The following LGR5 variants were observed in gnomAD, a reference collection of about 807,000 sequenced individuals.
The protein encoded by LGR5 is leucine rich repeat containing G protein-coupled receptor 5, also known as leucine-rich repeat-containing G protein-coupled receptor 5.
In LGR5, 54 loss-of-function variants were observed where a neutral mutation model predicts 76.7. The observed-to-expected ratio is 0.70, with a 90% CI of 0.57 to 0.88. The LOEUF (loss-of-function observed/expected upper bound fraction) is 0.88, where lower values mean the gene tolerates loss of function less well. LGR5 is among the 40% of genes least tolerant of loss of function. The pLI, the probability that LGR5 is intolerant of heterozygous loss-of-function variation, is 0.00. For synonymous variants in LGR5, 406 were observed against 421.9 expected (o/e 0.96, Z 0.46); for missense variants, 1,078 against 1,073.3 (o/e 1.00, Z -0.06).
chr12:71,535,256 AC>A, intron 4 of LGR5, 70 bp downstream of exon 4: 1 of 1,051,708 alleles, frequency 9.5e-7, no homozygotes, highest in Non-Finnish European at 1.5e-6. Flanking sequence ...TGTTCAGTTG[AC>A]CATTTTAGTA....
chr12:71,495,754 T>C (rs1874285310), intron 1 of LGR5, among the ~76,000 whole-genome samples: 1 of 151,246 alleles, frequency 6.6e-6, no homozygotes, highest in Non-Finnish European at 1.5e-5. Flanking sequence ...CTTTTAACTA[T>C]TAGACTATTA....
intron 1 of LGR5, among the ~76,000 whole-genome samples, chr12:71,503,821 T>G (rs1874719588): frequency 6.6e-6 from 1 of 152,188 alleles, no homozygotes; most frequent in Non-Finnish European, 1.5e-5. Context: ...TCTTTTGGCC[T>G]CTGAGATACA....
In LGR5 at chr12:71,553,142, C is replaced by T. The variant is rs879943901; in HGVS notation, c.498C>T (p.His166=). The change falls in exon 5 of 18, where the codon CAC becomes CAT. Residue 166 remains histidine, a synonymous_variant. Transcript: ENST00000266674. ...SCFSGLHSLR[H]LWLDDNALTE... is the part of the protein sequence containing the mutation. ...TCAGTGGCCTGCATTCCCTGAGGCA[C>T]CTGTGGCTGGATGACAATGCGTTAA... The T allele has an allele frequency of 1.1e-5, 18 of 1,613,930 alleles. No individual in the cohort carries two copies. Among genetic ancestry groups the T allele is most frequent in the Non-Finnish European group, 1.4e-5 (16 of 1,180,020 alleles).
intron 1 of LGR5, among the ~76,000 whole-genome samples, chr12:71,451,760 C>A (rs1291842047): frequency 2.0e-5 from 3 of 152,188 alleles, no homozygotes; most frequent in Admixed American, 6.5e-5. Flanking sequence ...TTCATTTTCT[C>A]TATTTTATGG....
intron 1 of LGR5, among the ~76,000 whole-genome samples, chr12:71,466,468 T>C (rs1004495696): frequency 1.3e-5 from 2 of 152,196 alleles, no homozygotes; most frequent in Non-Finnish European, 2.9e-5. Flanking sequence ...TCACCTTGCA[T>C]TGACTTCTTT....
At chr12:71,487,492 G>C (rs1031618894) in intron 1 of LGR5, among the ~76,000 whole-genome samples, 4 of 152,122 alleles carry the variant, frequency 2.6e-5, no homozygotes, top group Admixed American at 2.6e-4. Context: ...ATAGCTCACT[G>C]CGGCCTCAAA....
rs1186665859 is a variant in LGR5 at position 71,440,831 on chromosome 12, CCTTCCTTCCTCCCTT to C, written c.212+550_212+564del. 6.6e-6 allele frequency among the ~76,000 whole-genome samples: 1 copy of C among 152,088 alleles called. No homozygotes were observed. The highest frequency in any genetic ancestry group is 1.5e-5 in the Non-Finnish European group (1 of 68,020). On this transcript the variant is annotated intron_variant, in intron 1 of 17. Transcript: ENST00000266674. The surrounding 1 kb of genome is among the most constrained non-coding windows in gnomAD (Gnocchi z 5.3). Reference sequence around the variant, plus strand: ...TTTGGGGTTTTTTCCTCTTTTCCTCCCTTCCTTCCTCCCTTCTTCCTTCCTTCCCTCCCTCCTTTC... The same window carrying C: ...TTTGGGGTTTTTTCCTCTTTTCCTCCCTTCCTTCCTTCCCTCCCTCCTTTC...
At chr12:71,462,991 AC>A (rs2137230182) in intron 1 of LGR5, among the ~76,000 whole-genome samples, 1 of 152,304 alleles carries the variant, frequency 6.6e-6, no homozygotes, top group South Asian at 2.1e-4. Context: ...CGCTAACTAG[AC>A]AAATGCCCTT....
At chr12:71,478,346 G>T (rs750148741) in intron 1 of LGR5, among the ~76,000 whole-genome samples, 5 of 152,110 alleles carry the variant, frequency 3.3e-5, no homozygotes, top group Non-Finnish European at 7.4e-5. Flanking sequence ...GCTTTTGGAA[G>T]GCAAATAAAT....
chr12:71,468,956 G>T (rs1467553990), intron 1 of LGR5, among the ~76,000 whole-genome samples: 1 of 151,972 alleles, frequency 6.6e-6, no homozygotes, highest in Non-Finnish European at 1.5e-5. Flanking sequence ...GCTGTAAATA[G>T]CCCCCCAAAT....
intron 11 of LGR5, among the ~76,000 whole-genome samples, chr12:71,570,990 T>A (rs10879300): frequency 0.049 from 7,511 of 152,302 alleles, 369 homozygotes; most frequent in African/African-American, 0.13. Flanking sequence ...TATGTCCAGA[T>A]GTTTTTGTTA....
At chr12:71,528,665 C>T (rs1876143328) in intron 3 of LGR5, among the ~76,000 whole-genome samples, 1 of 151,946 alleles carries the variant, frequency 6.6e-6, no homozygotes, top group Non-Finnish European at 1.5e-5. Context: ...GTATTATTGC[C>T]TTTTAAAGTT....
intron 1 of LGR5, among the ~76,000 whole-genome samples, chr12:71,488,480 G>T (rs1403678917): frequency 6.6e-6 from 1 of 152,146 alleles, no homozygotes; most frequent in Non-Finnish European, 1.5e-5. Flanking sequence ...TTTTTCTCTG[G>T]TGTCATTTTC....
chr12:71,571,930 GTGGGGACT>G (rs1878628734), intron 12 of LGR5, among the ~76,000 whole-genome samples: 1 of 152,060 alleles, frequency 6.6e-6, no homozygotes, highest in South Asian at 2.1e-4. Flanking sequence ...TTTTTAATAT[GTGGGGACT>G]TGGGTTTGTT....
chr12:71,505,443 A>G (rs1237908066), intron 2 of LGR5, among the ~76,000 whole-genome samples: 1 of 152,192 alleles, frequency 6.6e-6, no homozygotes, highest in Non-Finnish European at 1.5e-5. Flanking sequence ...TCACAGCCCT[A>G]GTGTAGAACG....
In LGR5 at chr12:71,583,891, T is replaced by G. The variant is rs1592569179; in HGVS notation, c.1881T>G (p.His627Gln). The change falls in exon 18 of 18, where the codon CAT (histidine) becomes CAG (glutamine). Residue 627 changes from histidine to glutamine, a missense_variant. Coordinates refer to ENST00000266674, the MANE Select transcript of LGR5 (RefSeq NM_003667.4). ...TCACTTTTGGCAGCTTTGCACGACA[T>G]GGTGCCTGGTGGGAGAATGGGGTTG... is the stretch of plus-strand genomic sequence containing the variant. The part of the protein sequence containing the change: ...DAFTFGSFAR[H>Q]GAWWENGVGC... The G allele has an allele frequency of 6.2e-7, 1 of 1,614,182 alleles. No homozygotes were observed. Among genetic ancestry groups the G allele is most frequent in the East Asian group, 2.2e-5 (1 of 44,884 alleles).
intron 1 of LGR5, among the ~76,000 whole-genome samples, chr12:71,452,654 T>C (rs1421851548): frequency 6.6e-6 from 1 of 152,192 alleles, no homozygotes; most frequent in African/African-American, 2.4e-5. Context: ...TAGTTCCTCA[T>C]TTGACCCTCC....
chr12:71,546,518 C>T lies in LGR5; in HGVS notation c.429-6555C>T, dbSNP rs146904763. Among the ~76,000 whole-genome samples, 162 of 152,156 alleles carry T rather than the reference C, an allele frequency of 1.1e-3. 2 individuals are homozygous for T. Among genetic ancestry groups the T allele is most frequent in the African/African-American group, 3.4e-3 (141 of 41,506 alleles). On this transcript the variant is annotated intron_variant, in intron 4 of 17. Transcript: ENST00000266674. ...CCAGAATGCTGAATCACCATAGCTT[C>T]CTCACCTTCCTCTCTGGCCACATCT...
intron 3 of LGR5, among the ~76,000 whole-genome samples, chr12:71,526,743 TG>T (rs1341488387): frequency 6.6e-6 from 1 of 152,066 alleles, no homozygotes; most frequent in Non-Finnish European, 1.5e-5. Context: ...CTACAGAGGT[TG>T]GGGAGTTGAT....
Sources: allele counts gnomAD v4.1 joint callset (sites outside exome capture counted in the v4.1 genomes callset), GRCh38; gene constraint gnomAD v4.1.1; non-coding constraint Gnocchi (gnomAD v3.1); transcripts MANE v1.5; gene names NCBI Gene and HGNC (gene_info 2026-07-23, HGNC 2026-07-21).